The following SPOCK1 variants were observed in gnomAD, a reference collection of about 807,000 sequenced individuals.
The protein encoded by SPOCK1 is testican-1.
A neutral mutation model predicts 55.3 loss-of-function variants in SPOCK1; 23 were observed. The observed-to-expected ratio is 0.42, with a 90% CI of 0.30 to 0.59. The LOEUF is 0.59. Ranked by LOEUF, SPOCK1 falls within the 20% of genes least tolerant of loss-of-function variation. SPOCK1 has a pLI of 0.22. For missense variants in SPOCK1, 499 were observed against 552.5 expected, an observed-to-expected ratio of 0.90 and a Z score of 0.97; for synonymous variants, 226 against 221.0, an observed-to-expected ratio of 1.02 and a Z score of -0.20.
rs200904423 is a variant in SPOCK1, at chr5:137,067,817, A to G, written c.487T>C (p.Phe163Leu). The G allele has an allele frequency of 1.8e-4, 289 of 1,613,996 alleles. No homozygotes were observed. The highest frequency in any genetic ancestry group is 2.3e-4 in the Non-Finnish European group (268 of 1,179,962). ...CTTTTGCCAGTAGAACAAGCATGGA[A>G]CTCCAATTTGCACTGCAAAAGAGAG... is the stretch of plus-strand genomic sequence containing the variant. Reference protein sequence around the residue: ...HSYTSKCKLEFHACSTGKSLA... With the variant: ...HSYTSKCKLELHACSTGKSLA... Residue 163 changes from phenylalanine (F) to leucine (L), a missense_variant, in exon 6 of 11, where the codon TTC (phenylalanine) becomes CTC (leucine). Physicochemically the swap from Phe to Leu is conservative, Grantham distance 22 (BLOSUM62 0). Transcript: ENST00000394945.
intron 3 of SPOCK1, among the ~76,000 whole-genome samples, chr5:137,202,118 T>C (rs1755437274): frequency 6.6e-6 from 1 of 152,168 alleles, no homozygotes; most frequent in Non-Finnish European, 1.5e-5. Flanking sequence ...TTGGATGCAA[T>C]CATTTCCCAA....
chr5:137,306,706 TTTC>T (rs1757705816), intron 2 of SPOCK1, among the ~76,000 whole-genome samples: 2 of 100,692 alleles, frequency 2.0e-5, no homozygotes, highest in Non-Finnish European at 2.4e-5. Context: ...GTAAATCTGT[TTTC>T]TTTTTTTTTT....
At chr5:137,081,188 C>T (rs751777086) in intron 5 of SPOCK1, among the ~76,000 whole-genome samples, 2 of 152,202 alleles carry the variant, frequency 1.3e-5, no homozygotes, top group Non-Finnish European at 2.9e-5. Context: ...CTGTAGAGGG[C>T]AGGCTCCTGA....
At chr5:137,229,884 G>A (rs1433274945) in intron 3 of SPOCK1, among the ~76,000 whole-genome samples, 1 of 152,130 alleles carries the variant, frequency 6.6e-6, no homozygotes, top group South Asian at 2.1e-4. Context: ...TACCGCAACT[G>A]ATCTGACAGG....
At chr5:137,477,587 T>C (rs1753862543) in intron 2 of SPOCK1, among the ~76,000 whole-genome samples, 2 of 152,190 alleles carry the variant, frequency 1.3e-5, no homozygotes, top group African/African-American at 4.8e-5. Context: ...GCCTTCTGGC[T>C]AAGATATCAA....
intron 2 of SPOCK1, among the ~76,000 whole-genome samples, chr5:137,361,973 T>A (rs1230924796): frequency 6.6e-6 from 1 of 152,132 alleles, no homozygotes; most frequent in African/African-American, 2.4e-5. Context: ...TAAGTGTTCC[T>A]CTCAGCCCCA....
chr5:137,233,713 C>CTTTTTTTTTTTTTTT lies in SPOCK1; in HGVS notation c.232+33282_232+33296dup, dbSNP rs56328555. ...TTCATTGTTAGTATGAGGATATGCACTTTTTTTTTTTTTTTTTTTTTTTTT... is the reference window on the plus strand; with the variant it reads ...TTCATTGTTAGTATGAGGATATGCACTTTTTTTTTTTTTTTTTTTTTTTTTTTTTTTTTTTTTTTT... On this transcript the variant is annotated intron_variant, in intron 3 of 10. Coordinates refer to ENST00000394945, the MANE Select transcript of SPOCK1 (RefSeq NM_004598.4). 4.8e-4 allele frequency among the ~76,000 whole-genome samples: 28 copies of CTTTTTTTTTTTTTTT among 58,410 alleles called. 3 individuals are homozygous for CTTTTTTTTTTTTTTT. The highest frequency in any genetic ancestry group is 1.4e-3 in the African/African-American group (15 of 11,002). The allele number at this position is 58,410 out of a possible 152,430, so 38.3% of individuals were successfully genotyped here.
chr5:137,405,851 C>T (rs914029912), intron 2 of SPOCK1, among the ~76,000 whole-genome samples: 8 of 152,202 alleles, frequency 5.3e-5, no homozygotes, highest in Admixed American at 5.2e-4. Flanking sequence ...CCACACCATC[C>T]GGGAACTCAG....
chr5:137,174,193 C>T (rs1353476160), intron 3 of SPOCK1, among the ~76,000 whole-genome samples: 1 of 152,222 alleles, frequency 6.6e-6, no homozygotes, highest in African/African-American at 2.4e-5. Flanking sequence ...CCTGTTTCTG[C>T]CTAAGCTTTC....
intron 2 of SPOCK1, among the ~76,000 whole-genome samples, chr5:137,287,726 C>G (rs1561494009): frequency 6.6e-6 from 1 of 152,166 alleles, no homozygotes; most frequent in Admixed American, 6.5e-5. Context: ...AATTTTTATG[C>G]TGTCATTGTA....
At chr5:137,127,001 G>A (rs1203139426) in intron 4 of SPOCK1, among the ~76,000 whole-genome samples, 1 of 152,174 alleles carries the variant, frequency 6.6e-6, no homozygotes, top group African/African-American at 2.4e-5. Context: ...TAAGGATTTA[G>A]AAAGTTCTCA....
chr5:137,415,134 G>GA (rs892295577), intron 2 of SPOCK1, among the ~76,000 whole-genome samples: 14 of 152,082 alleles, frequency 9.2e-5, no homozygotes, highest in African/African-American at 3.4e-4. Context: ...AAATTGATGA[G>GA]AAAAATGTAT....
At chr5:137,318,339 C>G (rs1255108895) in intron 2 of SPOCK1, among the ~76,000 whole-genome samples, 1 of 152,130 alleles carries the variant, frequency 6.6e-6, no homozygotes, top group African/African-American at 2.4e-5. Context: ...TAGCTGTCGA[C>G]TACCTGAGAA....
At chr5:137,267,165 G>A in intron 2 of SPOCK1, 110 bp from the exon 3 acceptor site, 2 of 848,410 alleles carry the variant, frequency 2.4e-6, no homozygotes, top group Non-Finnish European at 3.7e-6. Context: ...GGAAAACACT[G>A]AAAGCTTAGA....
At chr5:137,024,626 TAGA>T (rs910967413) in intron 6 of SPOCK1, among the ~76,000 whole-genome samples, 35 of 145,964 alleles carry the variant, frequency 2.4e-4, no homozygotes, top group African/African-American at 8.6e-4. Context: ...AAAAAAAAAG[TAGA>T]AGAACCACAA....
chr5:137,119,204 A>T (rs1018480933), intron 4 of SPOCK1, among the ~76,000 whole-genome samples: 3 of 152,188 alleles, frequency 2.0e-5, no homozygotes, highest in Admixed American at 6.5e-5. Context: ...GCACAGAAGG[A>T]TTACATGCAT....
intron 2 of SPOCK1, among the ~76,000 whole-genome samples, chr5:137,451,723 A>G (rs1203042200): frequency 2.0e-5 from 3 of 152,214 alleles, no homozygotes; most frequent in Admixed American, 6.5e-5. Flanking sequence ...CCTCCACTTG[A>G]AATCTTAATC....
intron 2 of SPOCK1, among the ~76,000 whole-genome samples, chr5:137,450,647 T>C (rs934201530): frequency 6.6e-6 from 1 of 152,202 alleles, no homozygotes; most frequent in Non-Finnish European, 1.5e-5. Context: ...GAAAATTATG[T>C]AGACAGTCCT....
Position 137,074,850 on chromosome 5 carries a change from A to G in SPOCK1, c.475-7021T>C, listed in dbSNP as rs529503177. Among the ~76,000 whole-genome samples, 57 of 152,108 alleles carry G rather than the reference A, an allele frequency of 3.7e-4. No individual in the cohort carries two copies. In the South Asian group the frequency reaches 9.7e-3, roughly 26 times the overall value. On this transcript the variant is annotated intron_variant, in intron 5 of 10. Transcript: ENST00000394945. ...CTCCCGAGTAGCTGGGACTACAGGC[A>G]CCCGCCACCACGCCCGACTAATTTT...
Sources: gnomAD v4.1 joint callset for allele counts (sites outside exome capture counted in the v4.1 genomes callset) on GRCh38, gnomAD v4.1.1 for gene constraint, MANE v1.5 for transcripts, NCBI Gene and HGNC (gene_info 2026-07-23, HGNC 2026-07-21) for gene names.